The following LCOR variants were observed in gnomAD, a reference collection of about 807,000 sequenced individuals.
LCOR encodes ligand dependent nuclear receptor corepressor.
A neutral mutation model predicts 64.4 loss-of-function variants in LCOR; 14 were observed. The observed-to-expected ratio is 0.22, with a 90% CI of 0.14 to 0.34. The LOEUF (loss-of-function observed/expected upper bound fraction) is 0.34. LCOR is among the 10% of genes least tolerant of loss of function. The probability of loss-of-function intolerance (pLI) is 1.00; values close to 1 mark genes in which losing one functional copy is unlikely to be tolerated. For missense variants in LCOR, 1,686 were observed against 1,765.3 expected (o/e 0.96, Z 0.80); for synonymous variants, 643 against 642.5 (o/e 1.00, Z -0.01).
At chr10:96,836,102 C>T (rs187324210) in intron 2 of LCOR, among the ~76,000 whole-genome samples, 4 of 152,330 alleles carry the variant, frequency 2.6e-5, no homozygotes, top group Admixed American at 6.5e-5. Flanking sequence ...AATAGGACAG[C>T]AGATGAGTCT....
chr10:96,846,993 A>G (rs1242130778), intron 2 of LCOR, among the ~76,000 whole-genome samples: 1 of 152,234 alleles, frequency 6.6e-6, no homozygotes, highest in African/African-American at 2.4e-5. Flanking sequence ...CAGTGGCTCC[A>G]GCACTTTGGG....
intron 4 of LCOR, among the ~76,000 whole-genome samples, chr10:96,919,590 A>G (rs997509137): frequency 6.6e-6 from 1 of 152,106 alleles, no homozygotes; most frequent in African/African-American, 2.4e-5. Flanking sequence ...TTGTTGTGCA[A>G]CCAGTCTCCA....
chr10:96,891,242 A>G (rs540290165), intron 2 of LCOR, among the ~76,000 whole-genome samples: 1 of 151,982 alleles, frequency 6.6e-6, no homozygotes, highest in East Asian at 1.9e-4. Flanking sequence ...CAGTTTTGGT[A>G]GTTTCTAGAG....
chr10:96,885,539 T>C (rs1002473861), intron 2 of LCOR, among the ~76,000 whole-genome samples: 3 of 148,282 alleles, frequency 2.0e-5, no homozygotes, highest in African/African-American at 5.0e-5. Flanking sequence ...GTGCCACTGC[T>C]CCTGGCTAAT....
chr10:96,947,772 A>G (rs1847613802), intron 5 of LCOR, among the ~76,000 whole-genome samples: 2 of 151,904 alleles, frequency 1.3e-5, no homozygotes, highest in South Asian at 4.2e-4. Context: ...ATGTTGATTG[A>G]CCTATTTAGT....
chr10:96,916,689 G>A (rs970042950), intron 4 of LCOR, among the ~76,000 whole-genome samples: 6 of 150,886 alleles, frequency 4.0e-5, no homozygotes, highest in Non-Finnish European at 5.9e-5. Flanking sequence ...ATCTCAGCTC[G>A]CTGCAACCCT....
At chr10:96,885,950 T>C (rs915422440) in intron 2 of LCOR, among the ~76,000 whole-genome samples, 1 of 152,164 alleles carries the variant, frequency 6.6e-6, no homozygotes, top group Non-Finnish European at 1.5e-5. Flanking sequence ...CAATCTCAGC[T>C]CACTGCAACC....
chr10:96,939,696 G>A (rs766171307), intron 4 of LCOR, among the ~76,000 whole-genome samples: 1 of 152,236 alleles, frequency 6.6e-6, no homozygotes, highest in Non-Finnish European at 1.5e-5. Flanking sequence ...CGGGCGCGGG[G>A]CCCACGCCTG....
intron 4 of LCOR, among the ~76,000 whole-genome samples, chr10:96,926,577 G>A (rs1455257558): frequency 6.6e-6 from 1 of 151,992 alleles, no homozygotes; most frequent in Non-Finnish European, 1.5e-5. Context: ...TAGTATTTAT[G>A]TACAATAAAA....
chr10:96,857,963 T>A (rs1845832546), intron 2 of LCOR, among the ~76,000 whole-genome samples: 1 of 152,184 alleles, frequency 6.6e-6, no homozygotes, highest in African/African-American at 2.4e-5. Flanking sequence ...TTCTAGTGTA[T>A]CAGGCTAAAA....
intron 4 of LCOR, among the ~76,000 whole-genome samples, chr10:96,914,608 T>C (rs1410566531): frequency 6.6e-6 from 1 of 152,266 alleles, no homozygotes; most frequent in Admixed American, 6.5e-5. Context: ...AAGCAGGACA[T>C]GGGCAGACAG....
chr10:96,882,315 C>T (rs772576134), intron 2 of LCOR, among the ~76,000 whole-genome samples: 21 of 152,126 alleles, frequency 1.4e-4, no homozygotes, highest in Non-Finnish European at 2.5e-4. Context: ...GAAAATCCAG[C>T]CTGATACAGA....
At chr10:96,833,012 G>A in intron 1 of LCOR, 1 of 985,488 alleles carries the variant, frequency 1.0e-6, no homozygotes, top group South Asian at 4.7e-5. Flanking sequence ...ACAGTCCCCG[G>A]GTGCGCCTGA....
chr10:96,984,274 G>T lies in LCOR; in HGVS notation c.3814G>T (p.Asp1272Tyr). The T allele has an allele frequency of 6.2e-7, 1 of 1,614,176 alleles. No homozygotes were observed. The highest frequency in any genetic ancestry group is 8.5e-7 in the Non-Finnish European group (1 of 1,180,050). Residue 1272 changes from aspartate (D) to tyrosine (Y), a missense_variant, in exon 8 of 8, where the codon GAT (aspartate) becomes TAT (tyrosine). Physicochemically the swap from Asp to Tyr is radical, Grantham distance 160 (BLOSUM62 -3). This residue lies in a region of LCOR where 1,293 missense variants were observed against 1,410.4 expected (regional missense o/e 0.92). Transcript: ENST00000421806. ...GAATCCTGATCAAGTGGAGCCAGAA[G>T]ATGGCAGTGATGTCAGCCCCGGCCC... ...RENPDQVEPE[D>Y]GSDVSPGPNS...
chr10:96,839,077 A>G (rs1219109266), intron 2 of LCOR, among the ~76,000 whole-genome samples: 7 of 152,188 alleles, frequency 4.6e-5, no homozygotes, highest in Non-Finnish European at 4.4e-5. Context: ...AAATAAGACA[A>G]GTTATATTTC....
At chr10:96,903,804 C>T (rs546290646) in intron 2 of LCOR, among the ~76,000 whole-genome samples, 2 of 152,192 alleles carry the variant, frequency 1.3e-5, no homozygotes, top group African/African-American at 2.4e-5. Context: ...GTGATTAAAT[C>T]GGAAGCTAAT....
intron 2 of LCOR, among the ~76,000 whole-genome samples, chr10:96,841,362 CTTT>C (rs199853768): frequency 7.4e-6 from 1 of 134,798 alleles, no homozygotes. Flanking sequence ...AAAACTTACA[CTTT>C]TTTTTTTTTT....
At chr10:96,912,268 A>C (rs577701094) in intron 4 of LCOR, among the ~76,000 whole-genome samples, 3 of 152,330 alleles carry the variant, frequency 2.0e-5, no homozygotes, top group African/African-American at 7.2e-5. Flanking sequence ...TTTTTAAATT[A>C]ATTTTAGCCT....
Position 96,983,656 on chromosome 10 carries a change from G to C in LCOR, c.3196G>C (p.Val1066Leu), listed in dbSNP as rs1438817714. ...KVTSEKEAAQ[V>L]NPIMPKENGA... ...GACTTCAGAAAAGGAAGCTGCACAA[G>C]TAAACCCCATAATGCCAAAGGAAAA... Residue 1066 changes from valine to leucine, a missense_variant, in exon 8 of 8, where the codon GTA (valine) becomes CTA (leucine). Physicochemically the swap from Val to Leu is conservative, Grantham distance 32. Around this residue, in one of 3 missense-constraint regions of LCOR, gnomAD observed 1,293 missense variants for 1,410.4 expected, o/e 0.92. Transcript: ENST00000421806. The surrounding 1 kb of genome is among the most constrained non-coding windows in gnomAD (Gnocchi z 4.5). The C allele has an allele frequency of 6.2e-7, 1 of 1,614,192 alleles. No homozygotes were observed. The highest frequency in any genetic ancestry group is 1.1e-5 in the South Asian group (1 of 91,086).
Sources: gnomAD v4.1 joint callset for allele counts (sites outside exome capture counted in the v4.1 genomes callset) on GRCh38, gnomAD v4.1.1 for gene constraint, gnomAD v4.1.1 regional missense constraint, Gnocchi (gnomAD v3.1) non-coding constraint, MANE v1.5 for transcripts, NCBI Gene and HGNC (gene_info 2026-07-23, HGNC 2026-07-21) for gene names.